MAPK8IP3: variants seen among roughly 807,000 people sequenced by gnomAD.
MAPK8IP3 encodes mitogen-activated protein kinase 8 interacting protein 3.
A neutral mutation model predicts 157.8 loss-of-function variants in MAPK8IP3; 49 were observed. The observed-to-expected ratio is 0.31, with a 90% CI of 0.25 to 0.39. MAPK8IP3 has a LOEUF of 0.39. MAPK8IP3 is among the 10% of genes least tolerant of loss of function. The probability of loss-of-function intolerance (pLI) is 1.00; values close to 1 mark genes in which losing one functional copy is unlikely to be tolerated. For synonymous variants in MAPK8IP3, 897 were observed against 777.7 expected (o/e 1.15, Z -2.55); for missense variants, 1,478 against 1,889.4 (o/e 0.78, Z 4.04).
chr16:1,728,025 C>T (rs930337057), intron 2 of MAPK8IP3, among the ~76,000 whole-genome samples: 2 of 152,252 alleles, frequency 1.3e-5, no homozygotes, highest in Admixed American at 1.3e-4. Flanking sequence ...TCTCTCACCT[C>T]GTGGCGTCAG....
chr16:1,729,131 T>C lies in MAPK8IP3; in HGVS notation c.440-7T>C, dbSNP rs767747687. ...TGTGCGGCTCAGACAGTGATTGTGT[T>C]TTCCAGTTTCCCGGTTGGAGGAGCG... On this transcript the variant is annotated splice_polypyrimidine_tract_variant and splice_region_variant and intron_variant, in intron 2 of 31. Transcript: ENST00000610761. The C allele has an allele frequency of 1.4e-5, 23 of 1,613,914 alleles. No homozygotes were observed. Among genetic ancestry groups the C allele is most frequent in the Non-Finnish European group, 1.9e-5 (23 of 1,179,808 alleles).
In MAPK8IP3 at chr16:1,768,329, A is replaced by G; in HGVS notation, c.3693A>G (p.Leu1231=). The change falls in exon 30 of 32, where the codon CTA becomes CTG. Residue 1231 remains leucine (L), a synonymous_variant. Transcript: ENST00000610761. The part of the protein sequence containing the change: ...IPYCSMAQAQ[L]CFHGHRDAVK... ...ACTGCTCCATGGCCCAGGCCCAGCTATGCTTCCATGGGCACCGCGATGCCG... is the reference window on the plus strand; with the variant it reads ...ACTGCTCCATGGCCCAGGCCCAGCTGTGCTTCCATGGGCACCGCGATGCCG... 1.9e-6 allele frequency: 3 copies of G among 1,607,760 alleles called. No homozygotes were observed. The highest frequency in any genetic ancestry group is 1.1e-5 in the South Asian group (1 of 91,066).
intron 8 of MAPK8IP3, chr16:1,752,468 C>T: frequency 2.8e-6 from 1 of 359,452 alleles, no homozygotes; most frequent in Non-Finnish European, 5.5e-6. Context: ...GGAGGCCAGG[C>T]ACAGTCACTC....
Position 1,758,458 on chromosome 16 carries a change from C to A in MAPK8IP3, c.1228+299C>A, listed in dbSNP as rs780385785. Among the ~76,000 whole-genome samples, 4 of 152,324 alleles carry A rather than the reference C, an allele frequency of 2.6e-5. No homozygotes were observed. The East Asian group carries it at 7.7e-4, about 29-fold the overall frequency. On this transcript the variant is annotated intron_variant, in intron 9 of 31. Coordinates refer to ENST00000610761, the MANE Select transcript of MAPK8IP3 (RefSeq NM_001318852.2). The stretch of plus-strand genomic sequence containing the variant: ...CGGCAGTGACTGGACATGGCCAAGG[C>A]CAGCTCTGGGGCCTCCCCTGCTGTC...
At chr16:1,745,690 A>G (rs1224298233) in intron 5 of MAPK8IP3, 5 of 152,278 alleles carry the variant, frequency 3.3e-5, no homozygotes, top group African/African-American at 4.8e-5. Flanking sequence ...ATTTGTGACC[A>G]CAAAAATGTC....
In MAPK8IP3 at chr16:1,743,555, T is replaced by G; in HGVS notation, c.747+79T>G. The G allele has an allele frequency of 6.5e-7, 1 of 1,544,506 alleles. No homozygotes were observed. The highest frequency in any genetic ancestry group is 8.7e-7 in the Non-Finnish European group (1 of 1,155,626). On this transcript the variant is annotated intron_variant, in intron 5 of 31. Transcript: ENST00000610761. The surrounding 1 kb of genome is among the most constrained non-coding windows in gnomAD (Gnocchi z 5.6). ...CGTTCACTGGGGCGGGAGCCTCGTC[T>G]GCAGGCAGCCCTTCACGGCTCTCTG... is the stretch of plus-strand genomic sequence containing the variant.
Position 1,743,902 on chromosome 16 carries a change from T to G in MAPK8IP3, c.747+426T>G, listed in dbSNP as rs1008210780. 2 of 1,043,436 alleles carry G rather than the reference T, an allele frequency of 1.9e-6. No individual in the cohort carries two copies. Among genetic ancestry groups the G allele is most frequent in the African/African-American group, 1.7e-5 (1 of 58,052 alleles). The allele number at this position is 1,043,436 out of a possible 1,614,324, so 64.6% of individuals were successfully genotyped here. A position where few individuals can be genotyped will look rare whatever the true frequency, so the allele number is the denominator to read the frequency against. The stretch of plus-strand genomic sequence containing the variant: ...CTACTCTCGGAGGAACGTCAGTGTC[T>G]AGAGTGTGGGGTTTGCCCTCCGTTG... On this transcript the variant is annotated intron_variant, in intron 5 of 31. Transcript: ENST00000610761. This position sits in a 1 kb window ranked among gnomAD's most constrained non-coding sequence, Gnocchi z 5.6.
chr16:1,768,143 C>T (rs2042386112), intron 29 of MAPK8IP3, 36 bp downstream of exon 29: 1 of 1,612,104 alleles, frequency 6.2e-7, no homozygotes, highest in Non-Finnish European at 8.5e-7. Context: ...TCACGGGAGC[C>T]TCTCCCACTC....
At chr16:1,766,674 AGGG>A in intron 23 of MAPK8IP3, 26 bp downstream of exon 23, 2 of 1,612,462 alleles carry the variant, frequency 1.2e-6, no homozygotes, top group Non-Finnish European at 1.7e-6. Context: ...GGCAAGGTGG[AGGG>A]AGGGTCCTGG....
chr16:1,743,446 C>T lies in MAPK8IP3; in HGVS notation c.717C>T (p.Leu239=), dbSNP rs1433855873. 2 of 1,609,828 alleles carry T rather than the reference C, an allele frequency of 1.2e-6. No individual in the cohort carries two copies. Among genetic ancestry groups the T allele is most frequent in the Non-Finnish European group, 8.5e-7 (1 of 1,178,738 alleles). ...PAGDHWHLSD[L]GQLQSSSSYQ... ...GGGACCACTGGCACCTGAGTGACCTCGGCCAGCTGCAGTCCAGCTCCAGCT... is the reference window on the plus strand; with the variant it reads ...GGGACCACTGGCACCTGAGTGACCTTGGCCAGCTGCAGTCCAGCTCCAGCT... Residue 239 remains leucine, a synonymous_variant, in exon 5 of 32, where the codon CTC becomes CTT. Coordinates refer to ENST00000610761, the MANE Select transcript of MAPK8IP3 (RefSeq NM_001318852.2). This position sits in a 1 kb window ranked among gnomAD's most constrained non-coding sequence, Gnocchi z 5.6.
In MAPK8IP3 at chr16:1,747,073, C is replaced by T. The variant is rs774357793; in HGVS notation, c.792C>T (p.Ala264=). The change falls in exon 6 of 32, where the codon GCC becomes GCT. Residue 264 remains alanine (A), a synonymous_variant. Coordinates refer to ENST00000610761, the MANE Select transcript of MAPK8IP3 (RefSeq NM_001318852.2). ...CCGAGTCAGGCCAGTCCTCGGCGGC[C>T]GCCACACCCAGCACCACAGGCACCA... ...EMSESGQSSA[A]ATPSTTGTKS... is the part of the protein sequence containing the mutation. The T allele has an allele frequency of 1.3e-5, 21 of 1,613,646 alleles. No individual in the cohort carries two copies. The highest frequency in any genetic ancestry group is 1.7e-4 in the Middle Eastern group (1 of 6,060).
intron 10 of MAPK8IP3, 98 bp downstream of exon 10, chr16:1,759,093 G>T: frequency 6.6e-7 from 1 of 1,523,278 alleles, no homozygotes; most frequent in Non-Finnish European, 9.1e-7. Context: ...GATGGGGACA[G>T]TGTTGGGGCC....
intron 2 of MAPK8IP3, among the ~76,000 whole-genome samples, chr16:1,727,111 G>C (rs1336576433): frequency 1.3e-5 from 2 of 151,760 alleles, no homozygotes; most frequent in Non-Finnish European, 2.9e-5. Context: ...TGGAGCGTCT[G>C]TGTGAGTGTC....
Position 1,743,941 on chromosome 16 carries a change from G to T in MAPK8IP3, c.747+465G>T. The T allele has an allele frequency of 9.9e-7, 1 of 1,005,788 alleles. No individual in the cohort carries two copies. Among genetic ancestry groups the T allele is most frequent in the Non-Finnish European group, 1.2e-6 (1 of 843,250 alleles). The allele number at this position is 1,005,788 out of a possible 1,614,324, so 62.3% of individuals were successfully genotyped here. A position where few individuals can be genotyped will look rare whatever the true frequency, so the allele number is the denominator to read the frequency against. ...TGCCCTCCGTTGGCAGAAAGGTGAG[G>T]AGAAAGCTCCTCTTCTCTGGGCCCC... On this transcript the variant is annotated intron_variant, in intron 5 of 31. Coordinates refer to ENST00000610761, the MANE Select transcript of MAPK8IP3 (RefSeq NM_001318852.2). The surrounding 1 kb of genome is among the most constrained non-coding windows in gnomAD (Gnocchi z 5.6).
chr16:1,730,381 A>G (rs998825015), intron 4 of MAPK8IP3, among the ~76,000 whole-genome samples: 9 of 152,224 alleles, frequency 5.9e-5, no homozygotes, highest in African/African-American at 2.2e-4. Flanking sequence ...AGGTGGGTGG[A>G]TCACTTGAGG....
At chr16:1,761,573 C>T (rs2041948275) in intron 13 of MAPK8IP3, among the ~76,000 whole-genome samples, 1 of 149,236 alleles carries the variant, frequency 6.7e-6, no homozygotes, top group Non-Finnish European at 1.5e-5. Flanking sequence ...CACAGGGCGA[C>T]CACCATTCAC....
At chr16:1,729,713 G>C in intron 4 of MAPK8IP3, 135 bp downstream of exon 4, 1 of 840,504 alleles carries the variant, frequency 1.2e-6, no homozygotes, top group Non-Finnish European at 1.9e-6. Flanking sequence ...ACACTCTGGA[G>C]ACCCAGGAGG....
At position 1,706,850 on chromosome 16, in the gene MAPK8IP3, C is replaced by T. The variant is rs1476903687; in HGVS notation, c.318+193C>T. 6.8e-6 allele frequency among the ~76,000 whole-genome samples: 1 copy of T among 147,946 alleles called. No individual in the cohort carries two copies. The highest frequency in any genetic ancestry group is 1.5e-5 in the Non-Finnish European group (1 of 66,462). ...CCGCCCCGGGACTTCCCCACCCCCT[C>T]TGCCCGCCGTGAGACACCTCCCTAG... On this transcript the variant is annotated intron_variant, in intron 1 of 31. Transcript: ENST00000610761. The surrounding 1 kb of genome is among the most constrained non-coding windows in gnomAD (Gnocchi z 5.1).
chr16:1,741,407 G>A lies in MAPK8IP3; in HGVS notation c.603-1925G>A, dbSNP rs905497155. On this transcript the variant is annotated intron_variant, in intron 4 of 31. Coordinates refer to ENST00000610761, the MANE Select transcript of MAPK8IP3 (RefSeq NM_001318852.2). This position sits in a 1 kb window ranked among gnomAD's most constrained non-coding sequence, Gnocchi z 6.9. The stretch of plus-strand genomic sequence containing the variant: ...TCGGAGGTGGTGGCCTGGCTGAGCC[G>A]TGGCCCAGCATGGAGCTGTGTGGGT... 2.0e-5 allele frequency among the ~76,000 whole-genome samples: 3 copies of A among 152,156 alleles called. No homozygotes were observed. Among genetic ancestry groups the A allele is most frequent in the Admixed American group, 6.5e-5 (1 of 15,288 alleles).
Sources: gnomAD v4.1 joint callset for allele counts (sites outside exome capture counted in the v4.1 genomes callset) on GRCh38, gnomAD v4.1.1 for gene constraint, Gnocchi (gnomAD v3.1) non-coding constraint, MANE v1.5 for transcripts, NCBI Gene and HGNC (gene_info 2026-07-23, HGNC 2026-07-21) for gene names.